CACNA2D1: variants seen among roughly 807,000 people sequenced by gnomAD.
CACNA2D1 encodes the protein voltage-dependent calcium channel subunit alpha-2/delta-1.
A neutral mutation model predicts 171.5 loss-of-function variants in CACNA2D1; 53 were observed. The observed-to-expected ratio is 0.31, with a 90% CI of 0.25 to 0.39. The LOEUF is 0.39. Ranked by LOEUF, CACNA2D1 falls within the 10% of genes least tolerant of loss-of-function variation. CACNA2D1 has a pLI of 1.00. For synonymous variants in CACNA2D1, 442 were observed against 443.1 expected (o/e 1.00, Z 0.03); for missense variants, 903 against 1,299.8 (o/e 0.69, Z 4.69).
chr7:82,437,860 G>A (rs1237031455), intron 1 of CACNA2D1, among the ~76,000 whole-genome samples: 1 of 152,078 alleles, frequency 6.6e-6, no homozygotes, highest in Non-Finnish European at 1.5e-5. Context: ...TTTTAAACCT[G>A]TGCACATTTG....
chr7:82,115,369 T>C (rs933067590), intron 6 of CACNA2D1, among the ~76,000 whole-genome samples: 1 of 152,070 alleles, frequency 6.6e-6, no homozygotes, highest in Non-Finnish European at 1.5e-5. Context: ...ATATCAAAAG[T>C]AACTACAGAA....
intron 6 of CACNA2D1, among the ~76,000 whole-genome samples, chr7:82,114,961 G>A (rs192479011): frequency 1.5e-4 from 23 of 152,176 alleles, no homozygotes; most frequent in African/African-American, 2.4e-5. Flanking sequence ...AAAATATCTT[G>A]TGGACATTTA....
chr7:82,412,474 G>A (rs1041937393), intron 1 of CACNA2D1, among the ~76,000 whole-genome samples: 41 of 151,784 alleles, frequency 2.7e-4, no homozygotes, highest in African/African-American at 8.5e-4. Flanking sequence ...GTAGAGATGC[G>A]GTTTCAGCAT....
chr7:82,382,225 A>G (rs1369270598), intron 1 of CACNA2D1, among the ~76,000 whole-genome samples: 5 of 152,172 alleles, frequency 3.3e-5, no homozygotes, highest in Non-Finnish European at 7.3e-5. Context: ...AAATTTCCTG[A>G]TTTTCTGATG....
intron 3 of CACNA2D1, among the ~76,000 whole-genome samples, chr7:82,195,074 T>C (rs1015903479): frequency 6.6e-6 from 1 of 152,076 alleles, no homozygotes; most frequent in South Asian, 2.1e-4. Flanking sequence ...TTCAGATTTA[T>C]ATTTTATCTC....
chr7:82,440,916 TC>T (rs985988874), intron 1 of CACNA2D1, among the ~76,000 whole-genome samples: 1 of 151,706 alleles, frequency 6.6e-6, no homozygotes, highest in Non-Finnish European at 1.5e-5. Flanking sequence ...CTCTTCCTCT[TC>T]AGCTGATAAA....
At chr7:82,017,522 A>T (rs1187678055) in intron 12 of CACNA2D1, among the ~76,000 whole-genome samples, 2 of 152,044 alleles carry the variant, frequency 1.3e-5, no homozygotes, top group Non-Finnish European at 2.9e-5. Flanking sequence ...ATTCCATACT[A>T]TGCTACTGCC....
chr7:82,350,534 G>A (rs531602689), intron 1 of CACNA2D1, among the ~76,000 whole-genome samples: 1 of 152,202 alleles, frequency 6.6e-6, no homozygotes, highest in East Asian at 1.9e-4. Context: ...GCTTGGTGGC[G>A]GACGCCTGTA....
chr7:82,268,934 A>G (rs1344060934), intron 3 of CACNA2D1, among the ~76,000 whole-genome samples: 3 of 152,230 alleles, frequency 2.0e-5, no homozygotes, highest in South Asian at 2.1e-4. Flanking sequence ...GGTTCTGGCC[A>G]GAACAGGAGC....
At chr7:82,324,767 C>T (rs1258624218) in intron 3 of CACNA2D1, among the ~76,000 whole-genome samples, 1 of 152,094 alleles carries the variant, frequency 6.6e-6, no homozygotes, top group African/African-American at 2.4e-5. Flanking sequence ...ACCTGATGTT[C>T]TGAGTGAAAA....
intron 4 of CACNA2D1, among the ~76,000 whole-genome samples, chr7:82,161,399 G>A (rs1295677676): frequency 1.3e-5 from 2 of 151,962 alleles, no homozygotes; most frequent in East Asian, 1.9e-4. Flanking sequence ...ATAGTGGAGT[G>A]GATTCCGATT....
At chr7:81,978,814 ATATATATTTATT>A (rs1417129370) in intron 24 of CACNA2D1, among the ~76,000 whole-genome samples, 12 of 124,900 alleles carry the variant, frequency 9.6e-5, no homozygotes, top group African/African-American at 1.4e-4. Flanking sequence ...ATATATATAT[ATATATATTTATT>A]TATTTATTTA....
chr7:82,376,202 G>T (rs756409137), intron 1 of CACNA2D1, among the ~76,000 whole-genome samples: 1 of 152,092 alleles, frequency 6.6e-6, no homozygotes, highest in Non-Finnish European at 1.5e-5. Flanking sequence ...GCTTTTAATG[G>T]ATATTTATCC....
intron 6 of CACNA2D1, among the ~76,000 whole-genome samples, chr7:82,097,872 G>A (rs1333128451): frequency 6.7e-6 from 1 of 149,538 alleles, no homozygotes; most frequent in Non-Finnish European, 1.5e-5. Flanking sequence ...CCAACACTTT[G>A]GGAGGCCGAG....
intron 1 of CACNA2D1, among the ~76,000 whole-genome samples, chr7:82,390,832 A>T (rs561557893): frequency 4.7e-4 from 72 of 152,240 alleles, no homozygotes; most frequent in Admixed American, 3.5e-3. Context: ...AATGAAAAAA[A>T]TTTTTTTAAT....
chr7:82,302,318 C>T (rs1156809472), intron 3 of CACNA2D1, among the ~76,000 whole-genome samples: 5 of 152,204 alleles, frequency 3.3e-5, no homozygotes, highest in Admixed American at 6.5e-5. Flanking sequence ...ACAAGTACAT[C>T]CAAACATTAG....
At chr7:82,337,317 G>A (rs547753176) in intron 2 of CACNA2D1, among the ~76,000 whole-genome samples, 16 of 152,000 alleles carry the variant, frequency 1.1e-4, no homozygotes, top group African/African-American at 3.1e-4. Flanking sequence ...ATAACTGCCC[G>A]CCAAAAAAAC....
At chr7:82,365,312 G>A (rs1182715396) in intron 1 of CACNA2D1, among the ~76,000 whole-genome samples, 1 of 152,038 alleles carries the variant, frequency 6.6e-6, no homozygotes, top group Non-Finnish European at 1.5e-5. Context: ...CAACTTTTAA[G>A]GTATACAATT....
At chr7:82,250,621 A>G (rs1167639187) in intron 3 of CACNA2D1, among the ~76,000 whole-genome samples, 2 of 152,166 alleles carry the variant, frequency 1.3e-5, no homozygotes, top group Admixed American at 1.3e-4. Context: ...TTTATGTGTT[A>G]GCTCTCAAAT....
Sources: allele counts gnomAD v4.1 joint callset (sites outside exome capture counted in the v4.1 genomes callset), GRCh38; gene constraint gnomAD v4.1.1; transcripts MANE v1.5; gene names NCBI Gene and HGNC (gene_info 2026-07-23, HGNC 2026-07-21).